SLC38A10: variants seen among roughly 807,000 people sequenced by gnomAD.
The protein encoded by SLC38A10 is solute carrier family 38 member 10.
SLC38A10 carries 53 observed loss-of-function variants against 81.0 expected under a neutral mutation model. The ratio of observed to expected loss-of-function variants is 0.65; its 90% confidence interval spans 0.53 to 0.82. The LOEUF is 0.82. Among genes scored for constraint, SLC38A10 ranks in the 40% least tolerant of loss-of-function variants. SLC38A10 has a pLI of 0.00. For missense variants in SLC38A10, 1,471 were observed against 1,545.0 expected, an observed-to-expected ratio of 0.95 and a Z score of 0.80; for synonymous variants, 665 against 655.3, an observed-to-expected ratio of 1.01 and a Z score of -0.23.
At chr17:81,261,717 G>A (rs1317908925) in intron 10 of SLC38A10, among the ~76,000 whole-genome samples, 1 of 152,264 alleles carries the variant, frequency 6.6e-6, no homozygotes, top group African/African-American at 2.4e-5. Context: ...TGCTGCTGAG[G>A]CTCTGGGGTC....
At chr17:81,251,265 G>C in intron 14 of SLC38A10, 2 of 1,473,456 alleles carry the variant, frequency 1.4e-6, no homozygotes, top group Non-Finnish European at 1.8e-6. Flanking sequence ...ATGTGACGAT[G>C]CCGCAGGTGT....
intron 11 of SLC38A10, among the ~76,000 whole-genome samples, chr17:81,255,586 G>C (rs565619027): frequency 6.6e-6 from 1 of 152,188 alleles, no homozygotes; most frequent in Admixed American, 6.5e-5. Flanking sequence ...CAACACACCC[G>C]GCTAAGCCAC....
In SLC38A10 at chr17:81,281,047, C is replaced by T. The variant is rs1022434494; in HGVS notation, c.502-314G>A. ...GGAGACCACTGAGCATGCATGGCCC[C>T]AGTTTCCGTCGGTTACAGAGGCTGG... On this transcript the variant is annotated intron_variant, in intron 5 of 15. Transcript: ENST00000374759. This position sits in a 1 kb window ranked among gnomAD's most constrained non-coding sequence, Gnocchi z 5.3. Among the ~76,000 whole-genome samples, 1 of 152,232 alleles carries T rather than the reference C, an allele frequency of 6.6e-6. No homozygotes were observed. The highest frequency in any genetic ancestry group is 2.4e-5 in the African/African-American group (1 of 41,464).
In SLC38A10 at chr17:81,276,850, T is replaced by C. The variant is rs1302736850; in HGVS notation, c.729+181A>G. On this transcript the variant is annotated intron_variant, in intron 7 of 15. Coordinates refer to ENST00000374759, the MANE Select transcript of SLC38A10 (RefSeq NM_001037984.3). This position sits in a 1 kb window ranked among gnomAD's most constrained non-coding sequence, Gnocchi z 4.7. ...CAGGCTCACAGGGCTGGTCCTGGAA[T>C]GATGGAAGCTGATGGAGCTGCCCCA... is the stretch of plus-strand genomic sequence containing the variant. Among the ~76,000 whole-genome samples, 2 of 152,116 alleles carry C rather than the reference T, an allele frequency of 1.3e-5. No homozygotes were observed. The highest frequency in any genetic ancestry group is 2.1e-4 in the South Asian group (1 of 4,820).
Position 81,246,156 on chromosome 17 carries a change from C to G in SLC38A10, c.2760G>C (p.Glu920Asp). The change falls in exon 16 of 16, where the codon GAG (glutamate) becomes GAC (aspartate). Residue 920 changes from glutamate to aspartate, a missense_variant. This residue lies in a region of SLC38A10 where 751 missense variants were observed against 717.4 expected (regional missense o/e 1.05). Transcript: ENST00000374759. Reference sequence around the variant, plus strand: ...TGGGCTTCATGCGAGGGTCCCCCGTCTCTGCTCCTGGCCCTGCCACGAGCC... The same window carrying G: ...TGGGCTTCATGCGAGGGTCCCCCGTGTCTGCTCCTGGCCCTGCCACGAGCC... ...ANWLVAGPGAETGDPRMKPKQ... is the reference protein window; with the variant it reads ...ANWLVAGPGADTGDPRMKPKQ... The G allele has an allele frequency of 6.2e-7, 1 of 1,611,712 alleles. No homozygotes were observed. The highest frequency in any genetic ancestry group is 8.5e-7 in the Non-Finnish European group (1 of 1,179,892).
rs940957360 is a variant in SLC38A10 at position 81,283,203 on chromosome 17, C to T, written c.357+206G>A. Among the ~76,000 whole-genome samples the T allele has an allele frequency of 3.9e-5, 6 of 152,246 alleles. No individual in the cohort carries two copies. In the East Asian group the frequency reaches 5.8e-4, roughly 15 times the overall value. ...CCCCTCATCTACATGGTGTCAGACT[C>T]TGCCTGGCTTGCTTCCTCGCGTGTA... On this transcript the variant is annotated intron_variant, in intron 4 of 15. Transcript: ENST00000374759. This position sits in a 1 kb window ranked among gnomAD's most constrained non-coding sequence, Gnocchi z 4.7.
intron 10 of SLC38A10, among the ~76,000 whole-genome samples, chr17:81,266,494 C>T (rs1366967251): frequency 6.6e-6 from 1 of 152,014 alleles, no homozygotes; most frequent in Non-Finnish European, 1.5e-5. Context: ...TTGCAGGCAC[C>T]TGTAGTCCCA....
In SLC38A10 at chr17:81,258,954, C is replaced by T. The variant is rs553439960; in HGVS notation, c.1288+1284G>A. 7.7e-4 allele frequency among the ~76,000 whole-genome samples: 117 copies of T among 152,360 alleles called. 1 individual carries two copies. The highest frequency in any genetic ancestry group is 2.5e-3 in the African/African-American group (104 of 41,588). ...GCAGGGCTCCCCTGCCCACCTTCGC[C>T]ATCCGGGAACAGTCATCCTTGGCAA... On this transcript the variant is annotated intron_variant, in intron 11 of 15. Transcript: ENST00000374759.
Position 81,283,535 on chromosome 17 carries a change from T to C in SLC38A10, c.264-33A>G. Reference sequence around the variant, plus strand: ...GGGACGGGGGGTACGGGAAATGCCATCAGGGCAAGCTGGCACACACCTGGG... The same window carrying C: ...GGGACGGGGGGTACGGGAAATGCCACCAGGGCAAGCTGGCACACACCTGGG... On this transcript the variant is annotated intron_variant, in intron 3 of 15. Transcript: ENST00000374759. The surrounding 1 kb of genome is among the most constrained non-coding windows in gnomAD (Gnocchi z 4.7). 1.3e-6 allele frequency: 2 copies of C among 1,574,256 alleles called. No homozygotes were observed. The highest frequency in any genetic ancestry group is 1.7e-6 in the Non-Finnish European group (2 of 1,154,248).
chr17:81,277,167 G>A lies in SLC38A10; in HGVS notation c.627-34C>T, dbSNP rs1357565239. 1 of 1,599,130 alleles carries A rather than the reference G, an allele frequency of 6.3e-7. No individual in the cohort carries two copies. Among genetic ancestry groups the A allele is most frequent in the Admixed American group, 1.7e-5 (1 of 59,842 alleles). ...AAACAGGCCATTTCACAGCGGACCT[G>A]AGAGAGGCACGCCCTCCCCAGCGGC... On this transcript the variant is annotated intron_variant, in intron 6 of 15. Coordinates refer to ENST00000374759, the MANE Select transcript of SLC38A10 (RefSeq NM_001037984.3). This position sits in a 1 kb window ranked among gnomAD's most constrained non-coding sequence, Gnocchi z 4.5.
Position 81,245,909 on chromosome 17 carries a change from C to T in SLC38A10, c.3007G>A (p.Gly1003Ser), listed in dbSNP as rs529487851. Residue 1003 changes from glycine (G) to serine (S), a missense_variant, in exon 16 of 16, where the codon GGC (glycine) becomes AGC (serine). Gly to Ser is a moderately conservative substitution (Grantham distance 56, BLOSUM62 0). This residue lies in a region of SLC38A10 where 751 missense variants were observed against 717.4 expected (regional missense o/e 1.05). Transcript: ENST00000374759. The stretch of plus-strand genomic sequence containing the variant: ...TCCTGGACAGCAGCGTCCTCCCCGC[C>T]TCTCGGCTGCTCGTGGGACACAGGC... The part of the protein sequence containing the change: ...HVPVSHEQPR[G>S]GEDAAVQEPR... 6 of 1,611,858 alleles carry T rather than the reference C, an allele frequency of 3.7e-6. No homozygotes were observed. The African/African-American group carries it at 5.3e-5, about 14-fold the overall frequency.
chr17:81,274,960 A>G (rs775118589), intron 8 of SLC38A10, among the ~76,000 whole-genome samples: 19 of 152,188 alleles, frequency 1.2e-4, no homozygotes, highest in Non-Finnish European at 2.5e-4. Context: ...AGGCTGGAGT[A>G]TGGTGGAGCG....
At chr17:81,284,965 C>G (rs1388196440) in intron 2 of SLC38A10, 70 bp from the exon 3 acceptor site, 1 of 1,424,946 alleles carries the variant, frequency 7.0e-7, no homozygotes. Context: ...AGGTACTGAG[C>G]CAAGCTGTCA....
intron 2 of SLC38A10, chr17:81,285,831 T>G (rs975073482): frequency 5.3e-5 from 8 of 152,214 alleles, no homozygotes; most frequent in African/African-American, 1.9e-4. Flanking sequence ...GGCTAGTAAC[T>G]ATGAATGGGT....
intron 9 of SLC38A10, 127 bp downstream of exon 9, chr17:81,272,389 G>A (rs1362583846): frequency 2.0e-6 from 1 of 512,524 alleles, no homozygotes; most frequent in Non-Finnish European, 3.3e-6. Flanking sequence ...AACTGACAAA[G>A]TCTCTAGACT....
chr17:81,248,196 A>G (rs2062872488), intron 14 of SLC38A10, among the ~76,000 whole-genome samples: 1 of 152,094 alleles, frequency 6.6e-6, no homozygotes, highest in South Asian at 2.1e-4. Flanking sequence ...TGACCTCGTG[A>G]TTCGCACACC....
rs770087544 is a variant in SLC38A10, at chr17:81,283,421, C to T, written c.345G>A (p.Leu115=). 1 of 1,611,910 alleles carries T rather than the reference C, an allele frequency of 6.2e-7. No homozygotes were observed. Among genetic ancestry groups the T allele is most frequent in the Non-Finnish European group, 8.5e-7 (1 of 1,178,960 alleles). ...GDLGSNFFAR[L]FGFQVGGTFR... ...AACACATCCTTACCTGAAACCCGAA[C>T]AGCCGGGCAAAGAAGTTGGACCCCA... Residue 115 remains leucine (L), a synonymous_variant, in exon 4 of 16, where the codon CTG becomes CTA. Transcript: ENST00000374759. The surrounding 1 kb of genome is among the most constrained non-coding windows in gnomAD (Gnocchi z 4.7).
rs2063214634 is a variant in SLC38A10, at chr17:81,281,818, G to T, written c.501+371C>A. Among the ~76,000 whole-genome samples, 1 of 152,140 alleles carries T rather than the reference G, an allele frequency of 6.6e-6. No homozygotes were observed. Among genetic ancestry groups the T allele is most frequent in the African/African-American group, 2.4e-5 (1 of 41,400 alleles). On this transcript the variant is annotated intron_variant, in intron 5 of 15. Transcript: ENST00000374759. The surrounding 1 kb of genome is among the most constrained non-coding windows in gnomAD (Gnocchi z 5.3). The stretch of plus-strand genomic sequence containing the variant: ...ACAAACAACAATAGCTTGCCACCTT[G>T]TGTCAAAACACTGGCACCGTGAGCC...
rs1265691590 is a variant in SLC38A10, at chr17:81,289,548, T to A, written c.217+143A>T. On this transcript the variant is annotated intron_variant, in intron 2 of 15. Transcript: ENST00000374759. This position sits in a 1 kb window ranked among gnomAD's most constrained non-coding sequence, Gnocchi z 5.9. ...GTGCAACCACACCCGGCTCATTTTT[T>A]TGCAGCATTACATTTTAAAATAAAA... The A allele has an allele frequency of 1.3e-5, 8 of 606,352 alleles. No homozygotes were observed. The highest frequency in any genetic ancestry group is 2.1e-5 in the Non-Finnish European group (8 of 377,996). 37.6% of individuals were successfully genotyped at this position (606,352 alleles called of 1,614,324 possible).
Sources: allele counts gnomAD v4.1 joint callset (sites outside exome capture counted in the v4.1 genomes callset), GRCh38; gene constraint gnomAD v4.1.1; regional missense constraint gnomAD v4.1.1; non-coding constraint Gnocchi (gnomAD v3.1); transcripts MANE v1.5; gene names NCBI Gene and HGNC (gene_info 2026-07-23, HGNC 2026-07-21).